TGM2: variants seen among roughly 807,000 people sequenced by gnomAD.
The protein encoded by TGM2 is protein-glutamine gamma-glutamyltransferase 2.
TGM2 carries 53 observed loss-of-function variants against 75.6 expected under a neutral mutation model. That is an observed-to-expected ratio of 0.70 (90% CI 0.56 to 0.88). The LOEUF (loss-of-function observed/expected upper bound fraction) is 0.88, where lower values mean the gene tolerates loss of function less well. Among genes scored for constraint, TGM2 ranks in the 40% least tolerant of loss-of-function variants. The pLI, the probability that TGM2 is intolerant of heterozygous loss-of-function variation, is 0.00. For synonymous variants in TGM2, 374 were observed against 381.1 expected, an observed-to-expected ratio of 0.98 and a Z score of 0.22; for missense variants, 842 against 928.5, an observed-to-expected ratio of 0.91 and a Z score of 1.21.
chr20:38,160,972 T>C (rs1464848541), intron 2 of TGM2, among the ~76,000 whole-genome samples: 3 of 152,080 alleles, frequency 2.0e-5, no homozygotes, highest in Non-Finnish European at 4.4e-5. Context: ...GGCTTGTGGA[T>C]AGGAATTTTT....
intron 6 of TGM2, among the ~76,000 whole-genome samples, chr20:38,145,096 A>G (rs1342288087): frequency 6.6e-6 from 1 of 152,130 alleles, no homozygotes; most frequent in Non-Finnish European, 1.5e-5. Flanking sequence ...TTCCACAAGA[A>G]AAAGGAATTC....
At chr20:38,142,508 C>A (rs1037241675) in intron 6 of TGM2, among the ~76,000 whole-genome samples, 8 of 152,112 alleles carry the variant, frequency 5.3e-5, no homozygotes, top group Admixed American at 5.2e-4. Context: ...GAGTTTGAGA[C>A]CAGCCTGGCC....
chr20:38,132,974 C>T (rs780242745), intron 10 of TGM2: 4 of 403,060 alleles, frequency 9.9e-6, no homozygotes, highest in African/African-American at 4.1e-5. Context: ...GCACTTCCCA[C>T]GGCGGGCTCC....
upstream of TGM2, among the ~76,000 whole-genome samples, chr20:38,167,174 A>G (rs1018069040): frequency 5.9e-5 from 9 of 152,144 alleles, no homozygotes; most frequent in African/African-American, 2.2e-4. Context: ...CGGGACCTCA[A>G]GGAGAGACGG....
At chr20:38,138,774 T>C (rs1367967500) in intron 9 of TGM2, among the ~76,000 whole-genome samples, 2 of 152,186 alleles carry the variant, frequency 1.3e-5, no homozygotes, top group African/African-American at 2.4e-5. Context: ...CTTCAAGCAA[T>C]TACACAGGGA....
At chr20:38,168,435 A>G (rs1444145825), upstream of TGM2, among the ~76,000 whole-genome samples, 2 of 152,218 alleles carry the variant, frequency 1.3e-5, no homozygotes, top group Non-Finnish European at 2.9e-5. Context: ...TCATGGCCTC[A>G]AGATCCCCAG....
At chr20:38,164,985 A>G (rs954050342) in intron 1 of TGM2, among the ~76,000 whole-genome samples, 4 of 152,162 alleles carry the variant, frequency 2.6e-5, no homozygotes, top group Non-Finnish European at 5.9e-5. Context: ...CCATTGCCTC[A>G]CCTGATCCAG....
chr20:38,140,247 C>A (rs1325322347), intron 8 of TGM2, among the ~76,000 whole-genome samples: 1 of 152,246 alleles, frequency 6.6e-6, no homozygotes, highest in Non-Finnish European at 1.5e-5. Context: ...ACTTCCAATG[C>A]TGAGGACTAG....
In TGM2 at chr20:38,129,103, G is replaced by C. The variant is rs2074796032; in HGVS notation, c.*1116C>G. On this transcript the variant is annotated 3_prime_UTR_variant, in exon 13 of 13. Coordinates refer to ENST00000361475, the MANE Select transcript of TGM2 (RefSeq NM_004613.4). ...CTCTCAGAAATATCCTGGGCCTATG[G>C]CTTAAGGCTTCGTGGAGCAGGGAGT... 6.6e-6 allele frequency: 1 copy of C among 152,472 alleles called. No homozygotes were observed. The highest frequency in any genetic ancestry group is 2.4e-5 in the African/African-American group (1 of 41,456). 9.4% of individuals were successfully genotyped at this position (152,472 alleles called of 1,614,324 possible).
intron 1 of TGM2, among the ~76,000 whole-genome samples, chr20:38,163,301 A>G (rs1020522106): frequency 6.6e-6 from 1 of 152,198 alleles, no homozygotes; most frequent in African/African-American, 2.4e-5. Context: ...AGTGAGGCCC[A>G]GGGGCAGGAA....
chr20:38,161,588 C>T lies in TGM2; in HGVS notation c.22G>A (p.Glu8Lys), dbSNP rs1376016235. The stretch of plus-strand genomic sequence containing the variant: ...GTCTCCAGCTCCAGATCACACCTCT[C>T]TAAGACCAGCTCTATGGAAACAGAA... The part of the protein sequence containing the change: MAEELVL[E>K]RCDLELETNG... The change falls in exon 2 of 13, where the codon GAG becomes AAG. Residue 8 changes from glutamate (E) to lysine (K), a missense_variant. By Grantham distance (56) the Glu-to-Lys change is moderately conservative. Transcript: ENST00000361475. 1.9e-6 allele frequency: 3 copies of T among 1,614,202 alleles called. No individual in the cohort carries two copies. The highest frequency in any genetic ancestry group is 1.7e-5 in the Admixed American group (1 of 60,028).
chr20:38,161,122 T>C (rs1489745044), intron 2 of TGM2, among the ~76,000 whole-genome samples: 1 of 152,154 alleles, frequency 6.6e-6, no homozygotes, highest in African/African-American at 2.4e-5. Context: ...GGGATCCTGA[T>C]CAACTTTCCT....
At chr20:38,154,356 C>T (rs1391317869) in intron 3 of TGM2, among the ~76,000 whole-genome samples, 2 of 152,200 alleles carry the variant, frequency 1.3e-5, no homozygotes, top group Non-Finnish European at 2.9e-5. Flanking sequence ...ACCCGATTCC[C>T]AGGAGGGGCC....
chr20:38,137,668 G>A (rs576842136), intron 10 of TGM2, among the ~76,000 whole-genome samples: 1 of 152,294 alleles, frequency 6.6e-6, no homozygotes, highest in South Asian at 2.1e-4. Flanking sequence ...AGCAACCAGA[G>A]GCACAGGAGA....
chr20:38,150,956 G>C lies in TGM2; in HGVS notation c.535C>G (p.Pro179Ala), dbSNP rs757994010. 2.3e-5 allele frequency: 37 copies of C among 1,613,904 alleles called. No individual in the cohort carries two copies. Among genetic ancestry groups the C allele is most frequent in the Non-Finnish European group, 3.1e-5 (37 of 1,179,874 alleles). Residue 179 changes from proline to alanine, a missense_variant, in exon 4 of 13, where the codon CCT becomes GCT. Coordinates refer to ENST00000361475, the MANE Select transcript of TGM2 (RefSeq NM_004613.4). ...GCCCTTACCTGCCCAAAATTCCAAG[G>C]TATGTTCTTGATGAACTTGGCCGAG... is the stretch of plus-strand genomic sequence containing the variant. The part of the protein sequence containing the change: ...QGSAKFIKNI[P>A]WNFGQFEDGI...
intron 10 of TGM2, among the ~76,000 whole-genome samples, chr20:38,135,381 C>T (rs944534091): frequency 5.4e-5 from 8 of 147,108 alleles, no homozygotes; most frequent in African/African-American, 1.2e-4. Flanking sequence ...GTAACAAAAC[C>T]GCACTTGGAC....
At chr20:38,165,421 C>T (rs1240441251), upstream of TGM2, 4 of 625,604 alleles carry the variant, frequency 6.4e-6, no homozygotes, top group South Asian at 8.1e-5. Context: ...GACCGGAGCC[C>T]GAGGGAGGGA....
chr20:38,159,317 T>C (rs899048888), intron 2 of TGM2, among the ~76,000 whole-genome samples: 1 of 152,038 alleles, frequency 6.6e-6, no homozygotes, highest in African/African-American at 2.4e-5. Flanking sequence ...CGAGAACATA[T>C]GGACGCATAG....
intron 10 of TGM2, among the ~76,000 whole-genome samples, chr20:38,137,052 G>C (rs2074908860): frequency 6.6e-6 from 1 of 152,184 alleles, no homozygotes; most frequent in Non-Finnish European, 1.5e-5. Flanking sequence ...GGGGACACTG[G>C]AGAGGGACAA....
Sources: allele counts gnomAD v4.1 joint callset (sites outside exome capture counted in the v4.1 genomes callset), GRCh38; gene constraint gnomAD v4.1.1; transcripts MANE v1.5; gene names NCBI Gene and HGNC (gene_info 2026-07-23, HGNC 2026-07-21).